The following UNC13C variants were observed in gnomAD, a reference collection of about 807,000 sequenced individuals.
The protein encoded by UNC13C is protein unc-13 homolog C.
A neutral mutation model predicts 245.4 loss-of-function variants in UNC13C; 174 were observed. That is an observed-to-expected ratio of 0.71 (90% confidence interval 0.63 to 0.80). The LOEUF (loss-of-function observed/expected upper bound fraction) is 0.80, where lower values mean the gene tolerates loss of function less well. UNC13C is among the 30% of genes least tolerant of loss of function. UNC13C has a pLI of 0.00. For missense variants in UNC13C, 2,829 were observed against 2,602.9 expected, an observed-to-expected ratio of 1.09 and a Z score of -1.89; for synonymous variants, 992 against 895.1, an observed-to-expected ratio of 1.11 and a Z score of -1.93.
chr15:53,940,666 A>G, the UNC13C span, among the ~76,000 whole-genome samples: 2 of 152,098 alleles, frequency 1.3e-5, no homozygotes, highest in Admixed American at 6.5e-5. Flanking sequence ...ATTCCTATAC[A>G]CCAACAACAG....
intron 4 of UNC13C, among the ~76,000 whole-genome samples, chr15:54,188,136 C>A (rs1232722908): frequency 6.6e-6 from 1 of 152,100 alleles, no homozygotes; most frequent in Non-Finnish European, 1.5e-5. Context: ...TGTTTTTACT[C>A]ACCACCTGCT....
intron 19 of UNC13C, among the ~76,000 whole-genome samples, chr15:54,472,566 C>A (rs1892519444): frequency 6.6e-6 from 1 of 151,808 alleles, no homozygotes; most frequent in Non-Finnish European, 1.5e-5. Flanking sequence ...TGCAGATGTA[C>A]CAGTGATAAA....
the UNC13C span, among the ~76,000 whole-genome samples, chr15:53,967,128 G>C: frequency 2.8e-4 from 43 of 151,658 alleles, no homozygotes; most frequent in African/African-American, 8.9e-4. Context: ...TAAACATTTT[G>C]AACTTATATG....
chr15:54,371,721 C>T lies in UNC13C; in HGVS notation c.4714-21327C>T, dbSNP rs1029167187. On this transcript the variant is annotated intron_variant, in intron 17 of 32. Transcript: ENST00000260323. ...TTAATAATGGATATATATATATACA[C>T]ACACACACACACACACATACCAGTG... 1.5e-4 allele frequency among the ~76,000 whole-genome samples: 23 copies of T among 149,822 alleles called. 1 individual carries two copies. The highest frequency in any genetic ancestry group is 9.8e-4 in the East Asian group (5 of 5,116).
chr15:54,199,503 T>C (rs531078252), intron 4 of UNC13C, among the ~76,000 whole-genome samples: 45 of 152,020 alleles, frequency 3.0e-4, no homozygotes, highest in African/African-American at 1.0e-3. Context: ...TCAGCAGAGA[T>C]CCTACAAGCT....
intron 24 of UNC13C, among the ~76,000 whole-genome samples, chr15:54,518,674 A>C (rs1046623820): frequency 1.3e-5 from 2 of 152,118 alleles, no homozygotes. Flanking sequence ...CCCTGAGATA[A>C]TGGCTCACAG....
chr15:53,948,265 T>G, the UNC13C span: 1 of 152,160 alleles, frequency 6.6e-6, no homozygotes, highest in Non-Finnish European at 1.5e-5. Flanking sequence ...TTGTGGAGAT[T>G]AAATATGGAA....
At chr15:54,145,636 A>G (rs1036313771) in intron 4 of UNC13C, among the ~76,000 whole-genome samples, 1 of 152,224 alleles carries the variant, frequency 6.6e-6, no homozygotes, top group Admixed American at 6.5e-5. Flanking sequence ...TTTGACAACT[A>G]AATACAATGA....
chr15:54,373,957 C>T (rs144401341), intron 17 of UNC13C, among the ~76,000 whole-genome samples: 2 of 152,074 alleles, frequency 1.3e-5, no homozygotes, highest in Non-Finnish European at 2.9e-5. Flanking sequence ...GCAGGCCATC[C>T]TGTCAAGGGT....
chr15:53,899,663 C>G, the UNC13C span, among the ~76,000 whole-genome samples: 1 of 152,284 alleles, frequency 6.6e-6, no homozygotes, highest in East Asian at 1.9e-4. Context: ...CTCCCGGGTT[C>G]AAGCGATTCT....
At chr15:54,463,281 G>GGGGGGGC (rs1221917189) in intron 19 of UNC13C, among the ~76,000 whole-genome samples, 1 of 68,966 alleles carries the variant, frequency 1.4e-5, no homozygotes, top group Non-Finnish European at 3.2e-5. Context: ...GGGGGGGGGG[G>GGGGGGGC]GCCGGTCAGG....
chr15:54,011,818 G>A (rs12904759), intron 1 of UNC13C, among the ~76,000 whole-genome samples: 11,040 of 152,206 alleles, frequency 0.073, 522 homozygotes, highest in Admixed American at 0.12. Context: ...CAAATCCCCT[G>A]CAGAGCCTGA....
chr15:54,555,948 C>G (rs1897071155), intron 29 of UNC13C, among the ~76,000 whole-genome samples: 1 of 151,964 alleles, frequency 6.6e-6, no homozygotes, highest in African/African-American at 2.4e-5. Context: ...AATATCAACC[C>G]TCCCTTCTCG....
At chr15:53,840,192 C>T in the UNC13C span, among the ~76,000 whole-genome samples, 1 of 152,050 alleles carries the variant, frequency 6.6e-6, no homozygotes. Context: ...TTGTTTCCTA[C>T]AACAAAAGAA....
chr15:54,299,361 C>T (rs564864636), intron 12 of UNC13C, among the ~76,000 whole-genome samples: 17 of 152,204 alleles, frequency 1.1e-4, no homozygotes, highest in Admixed American at 9.2e-4. Flanking sequence ...TTTTCAACCT[C>T]GATTCATTGC....
chr15:54,335,694 A>G (rs1228036374), intron 16 of UNC13C, among the ~76,000 whole-genome samples: 2 of 152,186 alleles, frequency 1.3e-5, no homozygotes, highest in Non-Finnish European at 2.9e-5. Context: ...TGTATCAACA[A>G]TTCACTTCTG....
At chr15:54,501,008 C>A in intron 22 of UNC13C, 30 bp downstream of exon 22, 1 of 1,606,296 alleles carries the variant, frequency 6.2e-7, no homozygotes, top group South Asian at 1.1e-5. Context: ...TCTTCTTTTT[C>A]TCTGGGTCTG....
chr15:54,583,261 C>A (rs1478747920), intron 30 of UNC13C, among the ~76,000 whole-genome samples: 1 of 152,078 alleles, frequency 6.6e-6, no homozygotes, highest in South Asian at 2.1e-4. Flanking sequence ...AAGAAACACT[C>A]AAAAATCAGA....
At chr15:54,477,821 C>T (rs569847717) in intron 19 of UNC13C, among the ~76,000 whole-genome samples, 1 of 149,410 alleles carries the variant, frequency 6.7e-6, no homozygotes, top group Non-Finnish European at 1.5e-5. Context: ...ATGCTGGCCT[C>T]ATAAAATGAG....
Sources: gnomAD v4.1 joint callset for allele counts (sites outside exome capture counted in the v4.1 genomes callset) on GRCh38, gnomAD v4.1.1 for gene constraint, MANE v1.5 for transcripts, NCBI Gene and HGNC (gene_info 2026-07-23, HGNC 2026-07-21) for gene names.